Variants in JAG2 observed in about 807,000 individuals in gnomAD.
The protein encoded by JAG2 is protein jagged-2.
In JAG2, 46 loss-of-function variants were observed where a neutral mutation model predicts 141.7. That is an observed-to-expected ratio of 0.32 (90% CI 0.26 to 0.42). The LOEUF (loss-of-function observed/expected upper bound fraction) is 0.42. Among genes scored for constraint, JAG2 ranks in the 10% least tolerant of loss-of-function variants. JAG2 has a pLI of 1.00. For synonymous variants in JAG2, 862 were observed against 763.5 expected, an observed-to-expected ratio of 1.13 and a Z score of -2.13; for missense variants, 1,500 against 1,817.5, an observed-to-expected ratio of 0.83 and a Z score of 3.18.
rs767581278 is a variant in JAG2, at chr14:105,143,570, G to C, written c.3153C>G (p.Ala1051=). 3 of 1,603,326 alleles carry C rather than the reference G, an allele frequency of 1.9e-6. No individual in the cohort carries two copies. Among genetic ancestry groups the C allele is most frequent in the Non-Finnish European group, 2.5e-6 (3 of 1,177,540 alleles). ...AGCTGTTCCCCCGCTGGGTGATGGC[G>C]GCCACGATGGCGTGGGCCGCGCCCT... ...LIQGAAHAIV[A]AITQRGNSSL... is the part of the protein sequence containing the mutation. Residue 1051 remains alanine (A), a synonymous_variant, in exon 25 of 26, where the codon GCC becomes GCG. Coordinates refer to ENST00000331782, the MANE Select transcript of JAG2 (RefSeq NM_002226.5).
chr14:105,155,511 G>A (rs1888552299), intron 5 of JAG2, 51 bp downstream of exon 5: 1 of 1,596,822 alleles, frequency 6.3e-7, no homozygotes, highest in Non-Finnish European at 8.6e-7. Context: ...TGCCAGTGAG[G>A]ACGTGAGGGC....
chr14:105,158,119 G>A (rs1888631830), intron 2 of JAG2, among the ~76,000 whole-genome samples: 1 of 152,168 alleles, frequency 6.6e-6, no homozygotes, highest in Admixed American at 6.5e-5. Flanking sequence ...GGCTGGAGTG[G>A]CCACAGACAG....
Position 105,142,506 on chromosome 14 carries a change from T to A in JAG2, c.*189A>T. ...ACTATCCGAGAATACTCCATTGTTT[T>A]CAGCCTGACAGTTACTGAATAATTT... On this transcript the variant is annotated 3_prime_UTR_variant, in exon 26 of 26. Transcript: ENST00000331782. The A allele has an allele frequency of 3.4e-6, 2 of 592,830 alleles. No homozygotes were observed. Among genetic ancestry groups the A allele is most frequent in the Middle Eastern group, 5.2e-4 (2 of 3,842 alleles). 36.7% of individuals were successfully genotyped at this position (592,830 alleles called of 1,614,324 possible).
chr14:105,147,365 C>T lies in JAG2; in HGVS notation c.2440G>A (p.Glu814Lys), dbSNP rs142542373. 6.9e-6 allele frequency: 11 copies of T among 1,585,124 alleles called. No homozygotes were observed. In the East Asian group the frequency reaches 7.0e-5, roughly 10 times the overall value. ...CVDGVNWFRC[E>K]CAPGFAGPDC... ...GGCCCCGCGAAGCCAGGTGCACACT[C>T]GCAGCGGAACCAGTTGACGCCGTCA... is the stretch of plus-strand genomic sequence containing the variant. Residue 814 changes from glutamate (E) to lysine (K), a missense_variant, in exon 20 of 26, where the codon GAG (glutamate) becomes AAG (lysine). Around this residue, in one of 3 missense-constraint regions of JAG2, gnomAD observed 875 missense variants for 1,202.2 expected, o/e 0.73. Transcript: ENST00000331782.
At chr14:105,148,706 G>A (rs1036073250) in intron 15 of JAG2, 39 bp downstream of exon 15, 3 of 1,482,808 alleles carry the variant, frequency 2.0e-6, no homozygotes, top group Admixed American at 2.0e-5. Context: ...CCACAGGGGT[G>A]GAGGCACAGG....
chr14:105,143,398 G>A, intron 25 of JAG2, 84 bp downstream of exon 25: 3 of 1,475,406 alleles, frequency 2.0e-6, no homozygotes, highest in African/African-American at 1.4e-5. Flanking sequence ...GTGGCTGGCA[G>A]GATCGGCAGG....
chr14:105,148,243 G>C lies in JAG2; in HGVS notation c.2135-14C>G. The C allele has an allele frequency of 6.4e-7, 1 of 1,566,188 alleles. No individual in the cohort carries two copies. Reference sequence around the variant, plus strand: ...ACTGGAACTCGCCTGTTGGCACATGGGCCGCTCAGCAGGCAGGCCCCAGAC... The same window carrying C: ...ACTGGAACTCGCCTGTTGGCACATGCGCCGCTCAGCAGGCAGGCCCCAGAC... On this transcript the variant is annotated splice_polypyrimidine_tract_variant and intron_variant, in intron 16 of 25. Coordinates refer to ENST00000331782, the MANE Select transcript of JAG2 (RefSeq NM_002226.5).
rs1161871044 is a variant in JAG2 at position 105,146,409 on chromosome 14, C to A, written c.2685G>T (p.Leu895=). 4.7e-5 allele frequency: 75 copies of A among 1,612,564 alleles called. No homozygotes were observed. Among genetic ancestry groups the A allele is most frequent in the Non-Finnish European group, 6.4e-5 (75 of 1,179,874 alleles). The change falls in exon 22 of 26, where the codon CTG becomes CTT. Residue 895 remains leucine, a synonymous_variant. Transcript: ENST00000331782. ...WVEDCNSCRC[L]DGRRDCSKVW... is the part of the protein sequence containing the mutation. ...CCTTGCTGCAGTCACGGCGGCCATC[C>A]AGGCAGCGGCAGCTGTTGCAGTCTT... is the stretch of plus-strand genomic sequence containing the variant.
chr14:105,151,681 C>T lies in JAG2; in HGVS notation c.1098G>A (p.Pro366=), dbSNP rs150988866. ...CANGGSCHEV[P]SGFECHCPSG... ...ATGGGCAGTGGCATTCGAAGCCGGA[C>T]GGCACCTCATGGCAAGAGCCCCCGT... Residue 366 remains proline (P), a synonymous_variant, in exon 8 of 26, where the codon CCG becomes CCA. Transcript: ENST00000331782. The T allele has an allele frequency of 7.9e-5, 127 of 1,611,476 alleles. No individual in the cohort carries two copies. Among genetic ancestry groups the T allele is most frequent in the Admixed American group, 6.7e-4 (40 of 59,812 alleles).
chr14:105,168,218 C>G, intron 1 of JAG2, 111 bp from the exon 2 acceptor site: 1 of 960,972 alleles, frequency 1.0e-6, no homozygotes, highest in African/African-American at 1.8e-5. Context: ...CAGCCGCGCC[C>G]GCCCGGAGCC....
Position 105,151,714 on chromosome 14 carries a change from C to T in JAG2, c.1065G>A (p.Pro355=), listed in dbSNP as rs754568613. 1.7e-5 allele frequency: 27 copies of T among 1,610,794 alleles called. No individual in the cohort carries two copies. The highest frequency in any genetic ancestry group is 1.6e-4 in the Middle Eastern group (1 of 6,082). The part of the protein sequence containing the change: ...EKAEHACTSN[P]CANGGSCHEV... Reference sequence around the variant, plus strand: ...CATGGCAAGAGCCCCCGTTGGCACACGGGTTGGAGGTGCAGGCGTGCTCAG... The same window carrying T: ...CATGGCAAGAGCCCCCGTTGGCACATGGGTTGGAGGTGCAGGCGTGCTCAG... The change falls in exon 8 of 26, where the codon CCG becomes CCA. Residue 355 remains proline, a synonymous_variant. Transcript: ENST00000331782.
intron 2 of JAG2, among the ~76,000 whole-genome samples, chr14:105,164,139 T>G (rs587752140): frequency 1.3e-5 from 2 of 149,644 alleles, no homozygotes; most frequent in African/African-American, 4.9e-5. Context: ...TGCTGCGGCT[T>G]TGACCCTTCA....
chr14:105,168,064 A>G lies in JAG2; in HGVS notation c.110T>C (p.Leu37Pro). ...MGYFELQLSALRNVNGELLSG... is the reference protein window; with the variant it reads ...MGYFELQLSAPRNVNGELLSG... ...CAGCAGCTCCCCGTTCACGTTCCGC[A>G]GCGCGCTCAGCTGCAGCTCGAAATA... The change falls in exon 2 of 26, where the codon CTG (leucine) becomes CCG (proline). Residue 37 changes from leucine (L) to proline (P), a missense_variant. Transcript: ENST00000331782. 1 of 1,589,548 alleles carries G rather than the reference A, an allele frequency of 6.3e-7. No individual in the cohort carries two copies. Among genetic ancestry groups the G allele is most frequent in the East Asian group, 2.3e-5 (1 of 43,806 alleles).
At position 105,149,151 on chromosome 14, in the gene JAG2, C is replaced by G; in HGVS notation, c.1753+19G>C. 1 of 1,608,986 alleles carries G rather than the reference C, an allele frequency of 6.2e-7. No homozygotes were observed. The highest frequency in any genetic ancestry group is 8.5e-7 in the Non-Finnish European group (1 of 1,179,012). On this transcript the variant is annotated intron_variant, in intron 13 of 25. Transcript: ENST00000331782. ...CCTGCCCCACCACCTCCCCCACCAC[C>G]CCATGCCGCACCCAGCACCTCTGCA...
At chr14:105,153,891 C>T (rs949699112) in intron 5 of JAG2, among the ~76,000 whole-genome samples, 5 of 152,296 alleles carry the variant, frequency 3.3e-5, no homozygotes, top group South Asian at 4.1e-4. Flanking sequence ...CTGGGCCAGG[C>T]GAGGGTGAGT....
chr14:105,164,812 G>C (rs909084873), intron 2 of JAG2, among the ~76,000 whole-genome samples: 3 of 152,290 alleles, frequency 2.0e-5, no homozygotes, highest in Admixed American at 6.5e-5. Flanking sequence ...ATCTGACTTC[G>C]TGAGACCTGC....
intron 2 of JAG2, among the ~76,000 whole-genome samples, chr14:105,165,460 G>C (rs898917531): frequency 6.6e-6 from 1 of 152,224 alleles, no homozygotes; most frequent in African/African-American, 2.4e-5. Context: ...GGAGCCAGGA[G>C]AGGAGGGGCA....
intron 25 of JAG2, 59 bp from the exon 26 acceptor site, chr14:105,143,229 G>A (rs587689252): frequency 8.4e-6 from 13 of 1,540,492 alleles, no homozygotes; most frequent in Non-Finnish European, 9.6e-6. Flanking sequence ...CGGGGCACTA[G>A]CCACACACCC....
intron 24 of JAG2, 110 bp from the exon 25 acceptor site, chr14:105,143,748 G>T: frequency 7.4e-7 from 1 of 1,349,490 alleles, no homozygotes; most frequent in Non-Finnish European, 1.0e-6. Flanking sequence ...GCGCACGGGA[G>T]ACGAGAGCCC....
Sources: gnomAD v4.1 joint callset for allele counts (sites outside exome capture counted in the v4.1 genomes callset) on GRCh38, gnomAD v4.1.1 for gene constraint, gnomAD v4.1.1 regional missense constraint, MANE v1.5 for transcripts, NCBI Gene and HGNC (gene_info 2026-07-23, HGNC 2026-07-21) for gene names.